The following ARHGAP24 variants were observed in gnomAD, a reference collection of about 807,000 sequenced individuals.
ARHGAP24 encodes rho GTPase-activating protein 24.
A neutral mutation model predicts 76.4 loss-of-function variants in ARHGAP24; 50 were observed. The ratio of observed to expected loss-of-function variants is 0.65; its 90% CI spans 0.52 to 0.83. ARHGAP24 has a LOEUF of 0.83. ARHGAP24 is among the 40% of genes least tolerant of loss of function. ARHGAP24 has a pLI of 0.00. For missense variants in ARHGAP24, 930 were observed against 914.2 expected (o/e 1.02, Z -0.22); for synonymous variants, 345 against 323.3 (o/e 1.07, Z -0.72).
chr4:85,792,602 T>C (rs1282047544), intron 3 of ARHGAP24, among the ~76,000 whole-genome samples: 2 of 152,168 alleles, frequency 1.3e-5, no homozygotes, highest in East Asian at 3.8e-4. Flanking sequence ...GCCTATGGAC[T>C]CTCCTTTTCC....
chr4:85,770,546 A>G (rs570310366), intron 3 of ARHGAP24, among the ~76,000 whole-genome samples: 17 of 152,338 alleles, frequency 1.1e-4, no homozygotes, highest in African/African-American at 4.1e-4. Context: ...TATCCTCTCA[A>G]TCCTCAAAGA....
chr4:85,827,901 GC>G, intron 3 of ARHGAP24: 1 of 1,289,678 alleles, frequency 7.8e-7, no homozygotes, highest in Non-Finnish European at 1.0e-6. Flanking sequence ...TCAGGACAGA[GC>G]AGCTGCTCTG....
At chr4:85,486,200 T>C (rs1057225547) in intron 1 of ARHGAP24, among the ~76,000 whole-genome samples, 2 of 152,166 alleles carry the variant, frequency 1.3e-5, no homozygotes, top group Non-Finnish European at 2.9e-5. Flanking sequence ...TCATGTACCA[T>C]TGGGCTAGTT....
At chr4:85,773,913 A>G (rs1392320854) in intron 3 of ARHGAP24, among the ~76,000 whole-genome samples, 1 of 152,210 alleles carries the variant, frequency 6.6e-6, no homozygotes, top group Non-Finnish European at 1.5e-5. Flanking sequence ...AATAAATGCC[A>G]CTTATATATG....
chr4:85,765,418 A>G (rs189700476), intron 3 of ARHGAP24, among the ~76,000 whole-genome samples: 203 of 152,250 alleles, frequency 1.3e-3, no homozygotes, highest in African/African-American at 4.5e-3. Flanking sequence ...CCCAATAAGC[A>G]CTAAGGAAAA....
intron 3 of ARHGAP24, among the ~76,000 whole-genome samples, chr4:85,746,144 T>C (rs1560613047): frequency 6.6e-6 from 1 of 152,234 alleles, no homozygotes; most frequent in Non-Finnish European, 1.5e-5. Context: ...TTTTTCACTG[T>C]GTACTTTTCC....
chr4:85,869,993 C>T (rs1732432855), intron 3 of ARHGAP24, among the ~76,000 whole-genome samples: 1 of 152,108 alleles, frequency 6.6e-6, no homozygotes, highest in African/African-American at 2.4e-5. Flanking sequence ...CATTTCTGTA[C>T]CTTAATTTCA....
chr4:85,852,339 GC>G (rs1277777932), intron 3 of ARHGAP24, among the ~76,000 whole-genome samples: 1 of 152,112 alleles, frequency 6.6e-6, no homozygotes, highest in African/African-American at 2.4e-5. Flanking sequence ...ACTCTAGTTA[GC>G]CTTTTGTCTA....
rs146813154 is a variant in ARHGAP24, at chr4:85,514,279, C to T, written c.-21+38720C>T. Among the ~76,000 whole-genome samples the T allele has an allele frequency of 2.7e-3, 408 of 152,268 alleles. 1 individual carries two copies. The highest frequency in any genetic ancestry group is 0.01 in the Middle Eastern group (3 of 294). On this transcript the variant is annotated intron_variant, in intron 1 of 9. Coordinates refer to ENST00000395184, the MANE Select transcript of ARHGAP24 (RefSeq NM_001025616.3). ...CCAGAGCAGTCCCCTGCTCCGTAAG[C>T]ACCCTTGATTGGTGTTATTCCTTCC...
At chr4:85,635,009 T>A (rs1721271208) in intron 2 of ARHGAP24, among the ~76,000 whole-genome samples, 1 of 151,914 alleles carries the variant, frequency 6.6e-6, no homozygotes. Flanking sequence ...CTGTACTTAG[T>A]TATAAAGGAA....
intron 1 of ARHGAP24, among the ~76,000 whole-genome samples, chr4:85,520,927 T>C (rs181020205): frequency 1.8e-4 from 27 of 152,252 alleles, no homozygotes; most frequent in Admixed American, 1.1e-3. Context: ...ATTGGAGGAA[T>C]AAGAAAGAGA....
chr4:85,493,673 T>C (rs1451132609), intron 1 of ARHGAP24, among the ~76,000 whole-genome samples: 1 of 152,228 alleles, frequency 6.6e-6, no homozygotes, highest in Non-Finnish European at 1.5e-5. Context: ...TTGTACTCCA[T>C]TTGATCCAGC....
chr4:85,789,844 G>A (rs930000512), intron 3 of ARHGAP24, among the ~76,000 whole-genome samples: 22 of 152,236 alleles, frequency 1.4e-4, no homozygotes, highest in African/African-American at 4.6e-4. Flanking sequence ...TCAACCATCA[G>A]TATGATATTT....
intron 3 of ARHGAP24, among the ~76,000 whole-genome samples, chr4:85,735,407 A>AT (rs565278118): frequency 6.0e-5 from 9 of 149,800 alleles, no homozygotes; most frequent in East Asian, 5.8e-4. Flanking sequence ...ATTCCACCAG[A>AT]TTTTTTTTTT....
intron 2 of ARHGAP24, among the ~76,000 whole-genome samples, chr4:85,641,766 A>G (rs1721530306): frequency 2.0e-5 from 3 of 152,174 alleles, no homozygotes; most frequent in Admixed American, 2.0e-4. Context: ...AAAGACATGC[A>G]TAGGGTGAGG....
At chr4:85,972,811 C>T (rs923727466) in intron 6 of ARHGAP24, among the ~76,000 whole-genome samples, 1 of 152,198 alleles carries the variant, frequency 6.6e-6, no homozygotes. Context: ...CTATTCTGGA[C>T]ATTCCTTATA....
intron 1 of ARHGAP24, among the ~76,000 whole-genome samples, chr4:85,551,064 T>A (rs1362266187): frequency 6.6e-6 from 1 of 152,226 alleles, no homozygotes; most frequent in African/African-American, 2.4e-5. Flanking sequence ...TCCATTACTA[T>A]GTTGAATAGG....
chr4:85,647,770 TG>T (rs1327624059), intron 2 of ARHGAP24, among the ~76,000 whole-genome samples: 1 of 152,112 alleles, frequency 6.6e-6, no homozygotes, highest in Non-Finnish European at 1.5e-5. Flanking sequence ...ATCTTCTTAG[TG>T]AACATTATAA....
chr4:85,914,017 G>A (rs1735226364), intron 3 of ARHGAP24, among the ~76,000 whole-genome samples: 2 of 152,168 alleles, frequency 1.3e-5, no homozygotes, highest in South Asian at 4.1e-4. Context: ...CTTAATGTTT[G>A]CTTTGATATA....
Sources: allele counts gnomAD v4.1 joint callset (sites outside exome capture counted in the v4.1 genomes callset), GRCh38; gene constraint gnomAD v4.1.1; transcripts MANE v1.5; gene names NCBI Gene and HGNC (gene_info 2026-07-23, HGNC 2026-07-21).